The following NTRK2 variants were observed in gnomAD, a reference collection of about 807,000 sequenced individuals.
NTRK2 encodes the protein BDNF/NT-3 growth factors receptor.
A neutral mutation model predicts 94.5 loss-of-function variants in NTRK2; 13 were observed. The ratio of observed to expected loss-of-function variants is 0.14; its 90% CI spans 0.09 to 0.22. The LOEUF (loss-of-function observed/expected upper bound fraction) is 0.22, where lower values mean the gene tolerates loss of function less well. Among genes scored for constraint, NTRK2 ranks in the 10% least tolerant of loss-of-function variants. NTRK2 has a pLI of 1.00. For synonymous variants in NTRK2, 372 were observed against 407.4 expected (o/e 0.91, Z 1.05); for missense variants, 639 against 1,071.2 (o/e 0.60, Z 5.63).
At position 84,924,451 on chromosome 9, in the gene NTRK2, C is replaced by T. The variant is rs141327901; in HGVS notation, c.1634-9711C>T. Reference sequence around the variant, plus strand: ...CACCTGCCAGGATTTTGTACAATCACGCTGCATAATGATTCTTGAAAATAC... The same window carrying T: ...CACCTGCCAGGATTTTGTACAATCATGCTGCATAATGATTCTTGAAAATAC... On this transcript the variant is annotated intron_variant, in intron 14 of 18. Transcript: ENST00000277120. Among the ~76,000 whole-genome samples, 584 of 152,210 alleles carry T rather than the reference C, an allele frequency of 3.8e-3. 2 individuals are homozygous for T. Among genetic ancestry groups the T allele is most frequent in the Middle Eastern group, 0.024 (7 of 294 alleles).
At chr9:84,689,695 G>A (rs770838755) in intron 2 of NTRK2, among the ~76,000 whole-genome samples, 7 of 152,064 alleles carry the variant, frequency 4.6e-5, no homozygotes, top group Non-Finnish European at 7.4e-5. Context: ...GTACATCCAC[G>A]TGTTGTGTAA....
intron 12 of NTRK2, among the ~76,000 whole-genome samples, chr9:84,773,916 C>A (rs1341397916): frequency 6.6e-6 from 1 of 152,140 alleles, no homozygotes; most frequent in Non-Finnish European, 1.5e-5. Flanking sequence ...GCATCATCAT[C>A]TTCGTTTTGT....
chr9:85,014,266 G>A (rs1002059011), intron 17 of NTRK2, among the ~76,000 whole-genome samples: 1 of 152,136 alleles, frequency 6.6e-6, no homozygotes, highest in African/African-American at 2.4e-5. Flanking sequence ...ACACAAGGAG[G>A]ATGATAAATG....
rs187104877 is a variant in NTRK2 at position 84,721,523 on chromosome 9, A to G, written c.584-2050A>G. Among the ~76,000 whole-genome samples the G allele has an allele frequency of 2.2e-3, 331 of 152,310 alleles. 2 individuals are homozygous for G. The highest frequency in any genetic ancestry group is 7.1e-3 in the African/African-American group (296 of 41,554). On this transcript the variant is annotated intron_variant, in intron 6 of 18. Transcript: ENST00000277120. ...GTCTCCATTGAGACAATTACAGCAC[A>G]TGAAAAAATGTGAAGACAGAGTATG...
chr9:84,730,515 C>T (rs1359213589), intron 9 of NTRK2, among the ~76,000 whole-genome samples: 3 of 143,038 alleles, frequency 2.1e-5, no homozygotes, highest in African/African-American at 8.6e-5. Flanking sequence ...CCGAGGCGGG[C>T]GGATCACGAG....
chr9:84,734,713 C>T (rs1210184154), intron 9 of NTRK2, among the ~76,000 whole-genome samples: 2 of 152,138 alleles, frequency 1.3e-5, no homozygotes, highest in African/African-American at 2.4e-5. Flanking sequence ...CCATGTAAGA[C>T]GTGTCTTGCT....
At chr9:84,860,431 G>A (rs1043337862) in intron 12 of NTRK2, among the ~76,000 whole-genome samples, 5 of 152,294 alleles carry the variant, frequency 3.3e-5, no homozygotes, top group South Asian at 2.1e-4. Context: ...AGTCAGGAGC[G>A]AGAATCCATG....
At chr9:84,742,789 GT>G (rs757253032) in intron 10 of NTRK2, among the ~76,000 whole-genome samples, 3 of 103,706 alleles carry the variant, frequency 2.9e-5, no homozygotes, top group Admixed American at 1.2e-4. Flanking sequence ...CATTATATTA[GT>G]TTTTTTTTTT....
At chr9:84,697,417 A>G (rs571628572) in intron 2 of NTRK2, among the ~76,000 whole-genome samples, 1 of 152,282 alleles carries the variant, frequency 6.6e-6, no homozygotes, top group South Asian at 2.1e-4. Flanking sequence ...GTGTGCCACA[A>G]TTCTGGGCCT....
At chr9:84,778,755 A>G (rs771996360) in intron 12 of NTRK2, among the ~76,000 whole-genome samples, 4 of 152,182 alleles carry the variant, frequency 2.6e-5, no homozygotes, top group Admixed American at 6.5e-5. Flanking sequence ...TCCTGCCTGA[A>G]CTGTGCAGTT....
chr9:84,919,691 T>C (rs902851717), intron 14 of NTRK2, among the ~76,000 whole-genome samples: 6 of 152,208 alleles, frequency 3.9e-5, no homozygotes, highest in Non-Finnish European at 7.3e-5. Context: ...GTCTGTAATA[T>C]TTAACTTAAG....
intron 15 of NTRK2, among the ~76,000 whole-genome samples, chr9:84,939,469 G>C (rs1487243638): frequency 6.6e-6 from 1 of 152,080 alleles, no homozygotes; most frequent in Non-Finnish European, 1.5e-5. Context: ...ACCAGATTGA[G>C]GAAATCCAAC....
intron 14 of NTRK2, among the ~76,000 whole-genome samples, chr9:84,926,029 T>A (rs918772673): frequency 6.6e-6 from 1 of 152,126 alleles, no homozygotes; most frequent in African/African-American, 2.4e-5. Flanking sequence ...CCAGAACTTG[T>A]CTGAACTACT....
intron 17 of NTRK2, among the ~76,000 whole-genome samples, chr9:84,957,572 C>A (rs928412154): frequency 6.6e-6 from 1 of 152,084 alleles, no homozygotes; most frequent in Admixed American, 6.5e-5. Context: ...TTTCACACCC[C>A]CTGAGATGAC....
At chr9:84,943,554 A>G (rs913856595) in intron 15 of NTRK2, among the ~76,000 whole-genome samples, 1 of 152,212 alleles carries the variant, frequency 6.6e-6, no homozygotes, top group Non-Finnish European at 1.5e-5. Flanking sequence ...CACCAGGAAT[A>G]AGAAGAAATG....
chr9:84,904,323 T>A (rs1401638916), intron 14 of NTRK2, among the ~76,000 whole-genome samples: 1 of 152,238 alleles, frequency 6.6e-6, no homozygotes, highest in East Asian at 1.9e-4. Flanking sequence ...TGAATTTTAA[T>A]AAGGCAAGTT....
chr9:84,829,222 C>G (rs1021644643), intron 12 of NTRK2, among the ~76,000 whole-genome samples: 5 of 152,150 alleles, frequency 3.3e-5, no homozygotes, highest in Admixed American at 3.3e-4. Flanking sequence ...TGGTCTTGAA[C>G]TCCTGACCTC....
intron 12 of NTRK2, among the ~76,000 whole-genome samples, chr9:84,767,794 C>T (rs1230303780): frequency 6.6e-6 from 1 of 152,216 alleles, no homozygotes; most frequent in Non-Finnish European, 1.5e-5. Flanking sequence ...CCCCAAATAT[C>T]TGGGAATTCG....
At chr9:84,858,014 G>A (rs1301930210) in intron 12 of NTRK2, among the ~76,000 whole-genome samples, 4 of 152,074 alleles carry the variant, frequency 2.6e-5, no homozygotes, top group Non-Finnish European at 4.4e-5. Flanking sequence ...GGACTCTGTG[G>A]GCAGCATAAC....
Sources: gnomAD v4.1 joint callset for allele counts (sites outside exome capture counted in the v4.1 genomes callset) on GRCh38, gnomAD v4.1.1 for gene constraint, MANE v1.5 for transcripts, NCBI Gene and HGNC (gene_info 2026-07-23, HGNC 2026-07-21) for gene names.